Variants in KLB observed in about 807,000 individuals in gnomAD.
The protein encoded by KLB is klotho beta.
In KLB, 44 loss-of-function variants were observed where a neutral mutation model predicts 88.4. That is an observed-to-expected ratio of 0.50 (90% CI 0.39 to 0.64). The LOEUF (loss-of-function observed/expected upper bound fraction) is 0.64. Ranked by LOEUF, KLB falls within the 30% of genes least tolerant of loss-of-function variation. The probability of loss-of-function intolerance (pLI) is 0.00; values close to 1 mark genes in which losing one functional copy is unlikely to be tolerated. For missense variants in KLB, 1,137 were observed against 1,304.8 expected (o/e 0.87, Z 1.98); for synonymous variants, 548 against 513.4 (o/e 1.07, Z -0.91).
At chr4:39,425,801 A>C (rs946397740) in intron 1 of KLB, among the ~76,000 whole-genome samples, 2 of 152,124 alleles carry the variant, frequency 1.3e-5, no homozygotes, top group Non-Finnish European at 2.9e-5. Flanking sequence ...AAAATGTAAT[A>C]CTGAGTTATT....
At chr4:39,440,015 G>T (rs1743562821) in intron 3 of KLB, among the ~76,000 whole-genome samples, 1 of 151,548 alleles carries the variant, frequency 6.6e-6, no homozygotes, top group Non-Finnish European at 1.5e-5. Flanking sequence ...AGTTGGCCAG[G>T]CTGGTCTTGA....
intron 1 of KLB, among the ~76,000 whole-genome samples, chr4:39,424,933 T>C (rs1486288320): frequency 6.6e-6 from 1 of 152,164 alleles, no homozygotes; most frequent in African/African-American, 2.4e-5. Flanking sequence ...CAGGCCTCCA[T>C]GGTGGTTTAT....
chr4:39,414,607 A>G (rs1268434313), intron 1 of KLB, among the ~76,000 whole-genome samples: 1 of 151,992 alleles, frequency 6.6e-6, no homozygotes, highest in African/African-American at 2.4e-5. Context: ...GTGGTGGCTC[A>G]CACCTGTAAT....
At position 39,434,515 on chromosome 4, in the gene KLB, CA is replaced by C; in HGVS notation, c.1133del (p.Asn378ThrfsTer5). ...TCTTTGCCTTTTCTTTTGGACCCAA[CA>C]ACTTCAAGCCCCTAAACACCATGGC... The part of the protein sequence containing the change: ...DFFAFSFGPN[N>X]FKPLNTMAKM... On this transcript the variant is annotated frameshift_variant, in exon 2 of 5. Coordinates refer to ENST00000257408, the MANE Select transcript of KLB (RefSeq NM_175737.4). LOFTEE classifies it high-confidence loss of function. 1 of 1,614,170 alleles carries C rather than the reference CA, an allele frequency of 6.2e-7. No individual in the cohort carries two copies.
intron 1 of KLB, among the ~76,000 whole-genome samples, chr4:39,425,191 G>C (rs1338664564): frequency 6.6e-6 from 1 of 152,162 alleles, no homozygotes; most frequent in Non-Finnish European, 1.5e-5. Flanking sequence ...ATTTCTAATA[G>C]AGGGAAACTA....
In KLB at chr4:39,407,696, G is replaced by GTCCA; in HGVS notation, c.748_749insCCAT (p.Tyr250SerfsTer35). The GTCCA allele has an allele frequency of 1.2e-6, 2 of 1,614,060 alleles. No individual in the cohort carries two copies. Among genetic ancestry groups the GTCCA allele is most frequent in the Non-Finnish European group, 1.7e-6 (2 of 1,179,908 alleles). The stretch of plus-strand genomic sequence containing the variant: ...ACCCATATCTAGTGGCTTGGCATGG[G>GTCCA]TATGGGACAGGTATGCATGCCCCTG... On this transcript the variant is annotated frameshift_variant, in exon 1 of 5. Coordinates refer to ENST00000257408, the MANE Select transcript of KLB (RefSeq NM_175737.4). LOFTEE classifies it high-confidence loss of function.
At chr4:39,428,720 T>C (rs1221199603) in intron 1 of KLB, among the ~76,000 whole-genome samples, 1 of 152,226 alleles carries the variant, frequency 6.6e-6, no homozygotes, top group Middle Eastern at 3.2e-3. Context: ...AGTTTAATTA[T>C]TTCAAGATGG....
intron 1 of KLB, among the ~76,000 whole-genome samples, chr4:39,426,839 C>T (rs1358253270): frequency 1.3e-5 from 2 of 152,036 alleles, no homozygotes; most frequent in African/African-American, 4.8e-5. Context: ...AGGCATGCCA[C>T]CATGCCTGGC....
At chr4:39,421,567 C>A (rs535566920) in intron 1 of KLB, among the ~76,000 whole-genome samples, 1 of 152,148 alleles carries the variant, frequency 6.6e-6, no homozygotes, top group African/African-American at 2.4e-5. Context: ...CTGGCCAACA[C>A]GGCAAGACCC....
chr4:39,443,336 T>G (rs1743655053), intron 3 of KLB, among the ~76,000 whole-genome samples: 1 of 150,830 alleles, frequency 6.6e-6, no homozygotes, highest in Non-Finnish European at 1.5e-5. Context: ...TGCAGTCTAG[T>G]GTGGGCGACA....
chr4:39,418,512 T>A (rs1212413435), intron 1 of KLB, among the ~76,000 whole-genome samples: 1 of 151,678 alleles, frequency 6.6e-6, no homozygotes, highest in Non-Finnish European at 1.5e-5. Context: ...GTGCTGGGAT[T>A]ACAGATGTGA....
At chr4:39,418,045 C>T (rs997115998) in intron 1 of KLB, among the ~76,000 whole-genome samples, 2 of 152,180 alleles carry the variant, frequency 1.3e-5, no homozygotes, top group African/African-American at 4.8e-5. Context: ...AGATATTTTA[C>T]TTTGCTTTGC....
In KLB at chr4:39,413,733, A is replaced by T. The variant is rs536570653; in HGVS notation, c.825+5959A>T. 7.9e-5 allele frequency among the ~76,000 whole-genome samples: 12 copies of T among 152,094 alleles called. No homozygotes were observed. The South Asian group carries it at 2.1e-3, about 26-fold the overall frequency. On this transcript the variant is annotated intron_variant, in intron 1 of 4. Coordinates refer to ENST00000257408, the MANE Select transcript of KLB (RefSeq NM_175737.4). Reference sequence around the variant, plus strand: ...AGCAAAAACCTGTCTCAGGAAAAAAAAAAAATAAATAAAATAAAATAAAAT... The same window carrying T: ...AGCAAAAACCTGTCTCAGGAAAAAATAAAAATAAATAAAATAAAATAAAAT...
Position 39,444,641 on chromosome 4 carries a change from A to G in KLB, c.1606-1691A>G, listed in dbSNP as rs567728613. ...AATGCTTTCTGAAGGTTTTTAACGT[A>G]AGACATTTTTATTTGATCTTGCCTT... On this transcript the variant is annotated intron_variant, in intron 3 of 4. Transcript: ENST00000257408. 5.9e-5 allele frequency among the ~76,000 whole-genome samples: 9 copies of G among 152,364 alleles called. No homozygotes were observed. The South Asian group carries it at 1.4e-3, about 25-fold the overall frequency.
At chr4:39,432,340 T>A (rs1743383132) in intron 1 of KLB, among the ~76,000 whole-genome samples, 1 of 151,108 alleles carries the variant, frequency 6.6e-6, no homozygotes, top group Admixed American at 6.6e-5. Context: ...AGGGAAGAGA[T>A]GTCAAGAAAC....
At chr4:39,440,972 C>T (rs1388066086) in intron 3 of KLB, among the ~76,000 whole-genome samples, 3 of 152,212 alleles carry the variant, frequency 2.0e-5, no homozygotes, top group Admixed American at 6.5e-5. Flanking sequence ...TCTCCTGCCT[C>T]TGCCTCCAAA....
At chr4:39,439,542 T>C (rs1743550900) in intron 3 of KLB, among the ~76,000 whole-genome samples, 1 of 152,052 alleles carries the variant, frequency 6.6e-6, no homozygotes, top group Non-Finnish European at 1.5e-5. Context: ...TTTGGCTCAT[T>C]GTAACCTCTG....
At chr4:39,435,801 A>T (rs1560650920) in intron 2 of KLB, among the ~76,000 whole-genome samples, 1 of 152,258 alleles carries the variant, frequency 6.6e-6, no homozygotes, top group Admixed American at 6.5e-5. Flanking sequence ...TTGAGAACAG[A>T]ATCCTTTCAG....
intron 1 of KLB, among the ~76,000 whole-genome samples, chr4:39,426,377 T>C (rs1471763576): frequency 8.6e-6 from 1 of 116,876 alleles, no homozygotes; most frequent in African/African-American, 3.3e-5. Context: ...ATCGCGCCAC[T>C]ACACTCCAGC....
Sources: allele counts gnomAD v4.1 joint callset (sites outside exome capture counted in the v4.1 genomes callset), GRCh38; gene constraint gnomAD v4.1.1; transcripts MANE v1.5; gene names NCBI Gene and HGNC (gene_info 2026-07-23, HGNC 2026-07-21).